Variants in HENMT1 observed in about 807,000 individuals in gnomAD.
The protein encoded by HENMT1 is HEN methyltransferase 1.
HENMT1 carries 27 observed loss-of-function variants against 31.1 expected under a neutral mutation model. The ratio of observed to expected loss-of-function variants is 0.87; its 90% CI spans 0.64 to 1.20. The LOEUF (loss-of-function observed/expected upper bound fraction) is 1.20. Among genes scored for constraint, HENMT1 ranks in the 50% most tolerant of loss-of-function variants. HENMT1 has a pLI of 0.00. For missense variants in HENMT1, 438 were observed against 469.6 expected (o/e 0.93, Z 0.62); for synonymous variants, 167 against 172.2 (o/e 0.97, Z 0.24).
chr1:108,660,898 T>G (rs1570642507), intron 1 of HENMT1, 65 bp downstream of exon 1: 1 of 795,902 alleles, frequency 1.3e-6, no homozygotes, highest in Non-Finnish European at 1.5e-6. Flanking sequence ...CACTCCAGCC[T>G]GGGCGACAGA....
Position 108,650,451 on chromosome 1 carries a change from C to T in HENMT1, c.579-63G>A, listed in dbSNP as rs146763339. ...TGTAGAGCTACTGTTAAATAAGGAA[C>T]CATTTCTGGTCAGCAGTAAAAGAGA... On this transcript the variant is annotated intron_variant, in intron 6 of 7. Transcript: ENST00000651461. The T allele has an allele frequency of 4.7e-4, 665 of 1,417,776 alleles. 4 individuals are homozygous for T. The African/African-American group carries it at 8.3e-3, about 18-fold the overall frequency. 87.8% of individuals were successfully genotyped at this position (1,417,776 alleles called of 1,614,324 possible).
chr1:108,649,114 C>G (rs920075243), intron 7 of HENMT1, 123 bp from the exon 8 acceptor site: 4 of 727,210 alleles, frequency 5.5e-6, no homozygotes, highest in African/African-American at 1.8e-5. Context: ...TATGTCAGAT[C>G]CTACTAATCG....
rs199819971 is a variant in HENMT1 at position 108,657,559 on chromosome 1, A to G, written c.42T>C (p.Gly14=). 7 of 1,613,786 alleles carry G rather than the reference A, an allele frequency of 4.3e-6. No individual in the cohort carries two copies. In the East Asian group the frequency reaches 1.3e-4, roughly 31 times the overall value. Reference sequence around the variant, plus strand: ...TCTCCCTGGGAACTTCTTCAAAATTACCGTCAACCACACTACTGCACTGAA... The same window carrying G: ...TCTCCCTGGGAACTTCTTCAAAATTGCCGTCAACCACACTACTGCACTGAA... ...NNLQCSSVVD[G]NFEEVPRETA... Residue 14 remains glycine (G), a synonymous_variant, in exon 3 of 8, where the codon GGT becomes GGC. Transcript: ENST00000651461.
rs188067526 is a variant in HENMT1, at chr1:108,653,409, G to A, written c.398+1307C>T. On this transcript the variant is annotated intron_variant, in intron 5 of 7. Transcript: ENST00000651461. ...CTGTGCTGTTAATAAACATTGGGGT[G>A]CACATCTCTCTTCAATATAACTGAT... is the stretch of plus-strand genomic sequence containing the variant. Among the ~76,000 whole-genome samples, 24 of 152,234 alleles carry A rather than the reference G, an allele frequency of 1.6e-4. No homozygotes were observed. The South Asian group carries it at 2.7e-3, about 17-fold the overall frequency.
chr1:108,652,056 G>C (rs2100997139), intron 5 of HENMT1, among the ~76,000 whole-genome samples: 1 of 152,322 alleles, frequency 6.6e-6, no homozygotes, highest in Non-Finnish European at 1.5e-5. Flanking sequence ...GAAATATCAA[G>C]GGCAAATAGG....
At chr1:108,650,436 CTGTTAAAT>C in intron 6 of HENMT1, 48 bp from the exon 7 acceptor site, 1 of 1,529,632 alleles carries the variant, frequency 6.5e-7, no homozygotes, top group East Asian at 2.3e-5. Flanking sequence ...TGTAGAGCTA[CTGTTAAAT>C]AAGGAACCAT....
In HENMT1 at chr1:108,648,745, C is replaced by T. The variant is rs771554855; in HGVS notation, c.1003G>A (p.Val335Ile). 2 of 1,614,222 alleles carry T rather than the reference C, an allele frequency of 1.2e-6. No homozygotes were observed. Among genetic ancestry groups the T allele is most frequent in the Non-Finnish European group, 1.7e-6 (2 of 1,180,042 alleles). Residue 335 changes from valine (V) to isoleucine (I), a missense_variant, in exon 8 of 8, where the codon GTT (valine) becomes ATT (isoleucine). Transcript: ENST00000651461. The part of the protein sequence containing the change: ...KIENSPTPFC[V>I]GDKFFVPLQR... ...AGAGGTACGAAAAATTTATCTCCAACACAGAAGGGTGTGGGAGAGTTCTCT... is the reference window on the plus strand; with the variant it reads ...AGAGGTACGAAAAATTTATCTCCAATACAGAAGGGTGTGGGAGAGTTCTCT...
intron 3 of HENMT1, 148 bp from the exon 4 acceptor site, chr1:108,655,846 GCT>G: frequency 2.1e-5 from 6 of 286,696 alleles, no homozygotes; most frequent in East Asian, 6.1e-5. Context: ...GGCAGAAGAT[GCT>G]ACACACACAC....
At position 108,648,317 on chromosome 1, in the gene HENMT1, T is replaced by G. The variant is rs111318084; in HGVS notation, c.*249A>C. ...AAATTAACATATTACCACATCCAAC[T>G]TCTTTATTCTTGAGAAAACAAAAAA... On this transcript the variant is annotated 3_prime_UTR_variant, in exon 8 of 8. Transcript: ENST00000651461. The G allele has an allele frequency of 3.2e-5, 16 of 499,648 alleles. No individual in the cohort carries two copies. Among genetic ancestry groups the G allele is most frequent in the African/African-American group, 1.7e-4 (9 of 51,588 alleles). 31.0% of individuals were successfully genotyped at this position (499,648 alleles called of 1,614,324 possible).
rs1657938324 is a variant in HENMT1 at position 108,648,438 on chromosome 1, C to G, written c.*128G>C. On this transcript the variant is annotated 3_prime_UTR_variant, in exon 8 of 8. Coordinates refer to ENST00000651461, the MANE Select transcript of HENMT1 (RefSeq NM_001102592.2). ...TATCTCAAGCAGGTCTGTCCAATGG[C>G]TTGGAACATAGACTTTTGCAGTGAA... The G allele has an allele frequency of 2.5e-6, 2 of 802,774 alleles. No individual in the cohort carries two copies. The highest frequency in any genetic ancestry group is 3.9e-6 in the Non-Finnish European group (2 of 516,672). 49.7% of individuals were successfully genotyped at this position (802,774 alleles called of 1,614,324 possible).
chr1:108,648,784 C>T lies in HENMT1; in HGVS notation c.964G>A (p.Glu322Lys), dbSNP rs750321159. 6.2e-7 allele frequency: 1 copy of T among 1,614,204 alleles called. No homozygotes were observed. The highest frequency in any genetic ancestry group is 1.7e-5 in the Admixed American group (1 of 60,030). ...GGAGAGTTCTCTATCTTGGCCTTCT[C>T]AACCTCTGTGAAGACTGGTCCAAAG... Reference protein sequence around the residue: ...PCFGPVFTEVEKAKIENSPTP... With the variant: ...PCFGPVFTEVKKAKIENSPTP... Residue 322 changes from glutamate (E) to lysine (K), a missense_variant, in exon 8 of 8, where the codon GAG (glutamate) becomes AAG (lysine). Physicochemically the swap from Glu to Lys is moderately conservative, Grantham distance 56 (BLOSUM62 1). Transcript: ENST00000651461.
Position 108,651,166 on chromosome 1 carries a change from C to T in HENMT1, c.442G>A (p.Val148Met). ...GATGGAGACAGGTACCCAAATACCA[C>T]TTCAGGAAATCTGGCCAGATCACCT... is the stretch of plus-strand genomic sequence containing the variant. ...DSGDLARFPEVVFGYLSPSMI... is the reference protein window; with the variant it reads ...DSGDLARFPEMVFGYLSPSMI... The change falls in exon 6 of 8, where the codon GTG becomes ATG. Residue 148 changes from valine (V) to methionine (M), a missense_variant. Coordinates refer to ENST00000651461, the MANE Select transcript of HENMT1 (RefSeq NM_001102592.2). 1 of 1,614,092 alleles carries T rather than the reference C, an allele frequency of 6.2e-7. No individual in the cohort carries two copies. Among genetic ancestry groups the T allele is most frequent in the Non-Finnish European group, 8.5e-7 (1 of 1,179,986 alleles).
In HENMT1 at chr1:108,655,701, G is replaced by A; in HGVS notation, c.151-3C>T. 2 of 1,578,564 alleles carry A rather than the reference G, an allele frequency of 1.3e-6. No homozygotes were observed. The highest frequency in any genetic ancestry group is 1.8e-5 in the Admixed American group (1 of 55,652). On this transcript the variant is annotated splice_polypyrimidine_tract_variant and splice_region_variant and intron_variant, in intron 3 of 7. Coordinates refer to ENST00000651461, the MANE Select transcript of HENMT1 (RefSeq NM_001102592.2). ...TCACCACATCCCAGGTCTGCAACCTGTAGATGAGACAGAATGTTATTTCAA... is the reference window on the plus strand; with the variant it reads ...TCACCACATCCCAGGTCTGCAACCTATAGATGAGACAGAATGTTATTTCAA...
chr1:108,659,048 TAA>T (rs1658357568), intron 2 of HENMT1, among the ~76,000 whole-genome samples: 3 of 152,198 alleles, frequency 2.0e-5, no homozygotes, highest in Admixed American at 1.3e-4. Flanking sequence ...AAAATCAATA[TAA>T]GAGATTTTAG....
chr1:108,660,454 C>A (rs1476986750), intron 1 of HENMT1, among the ~76,000 whole-genome samples: 1 of 152,062 alleles, frequency 6.6e-6, no homozygotes, highest in Non-Finnish European at 1.5e-5. Flanking sequence ...TTCCACACAT[C>A]GTCAAAATGA....
intron 3 of HENMT1, among the ~76,000 whole-genome samples, chr1:108,656,999 C>CA (rs1483294546): frequency 2.6e-5 from 4 of 152,152 alleles, no homozygotes; most frequent in Non-Finnish European, 4.4e-5. Flanking sequence ...GGGCTCACTG[C>CA]AAAAAACCAC....
chr1:108,650,916 T>A (rs1483307296), intron 6 of HENMT1, 114 bp downstream of exon 6: 2 of 735,456 alleles, frequency 2.7e-6, no homozygotes, highest in Non-Finnish European at 4.4e-6. Flanking sequence ...TGGAATCAAT[T>A]TTATTGGAAG....
intron 2 of HENMT1, among the ~76,000 whole-genome samples, chr1:108,657,941 G>A (rs1351838741): frequency 6.6e-6 from 1 of 150,872 alleles, no homozygotes; most frequent in Non-Finnish European, 1.5e-5. Flanking sequence ...GCAGGAGGCT[G>A]GAAAATATTT....
chr1:108,651,273 G>T, intron 5 of HENMT1, 64 bp from the exon 6 acceptor site: 1 of 1,370,914 alleles, frequency 7.3e-7, no homozygotes, highest in Non-Finnish European at 1.0e-6. Flanking sequence ...TTTTCTAATT[G>T]ATTTATCAAA....
Sources: gnomAD v4.1 joint callset for allele counts (sites outside exome capture counted in the v4.1 genomes callset) on GRCh38, gnomAD v4.1.1 for gene constraint, MANE v1.5 for transcripts, NCBI Gene and HGNC (gene_info 2026-07-23, HGNC 2026-07-21) for gene names.